SMYD3: variants seen among roughly 807,000 people sequenced by gnomAD.
The protein encoded by SMYD3 is SET and MYND domain containing 3.
Under a neutral mutation model 57.7 loss-of-function variants are expected in SMYD3, and 36 were observed. The ratio of observed to expected loss-of-function variants is 0.62; its 90% confidence interval spans 0.48 to 0.82. The LOEUF (loss-of-function observed/expected upper bound fraction) is 0.82. SMYD3 is among the 40% of genes least tolerant of loss of function. The probability of loss-of-function intolerance (pLI) is 0.00; values close to 1 mark genes in which losing one functional copy is unlikely to be tolerated. For synonymous variants in SMYD3, 211 were observed against 195.0 expected (o/e 1.08, Z -0.68); for missense variants, 515 against 538.8 (o/e 0.96, Z 0.44).
intron 10 of SMYD3, among the ~76,000 whole-genome samples, chr1:245,846,955 C>G (rs1191792835): frequency 6.6e-6 from 1 of 152,076 alleles, no homozygotes; most frequent in Non-Finnish European, 1.5e-5. Context: ...GAGCAATTTC[C>G]ATCATCTGTT....
At chr1:245,849,693 C>G (rs886903681) in intron 10 of SMYD3, among the ~76,000 whole-genome samples, 14 of 151,938 alleles carry the variant, frequency 9.2e-5, no homozygotes, top group African/African-American at 3.4e-4. Flanking sequence ...CGCTCAGTCA[C>G]CCAGGTTAGA....
At chr1:245,968,594 G>A (rs2058214739) in intron 5 of SMYD3, among the ~76,000 whole-genome samples, 1 of 152,180 alleles carries the variant, frequency 6.6e-6, no homozygotes, top group Non-Finnish European at 1.5e-5. Context: ...GAAAAGGCAA[G>A]GACTTTAAAG....
At chr1:245,771,554 T>C (rs2046337562) in intron 10 of SMYD3, among the ~76,000 whole-genome samples, 1 of 152,272 alleles carries the variant, frequency 6.6e-6, no homozygotes, top group South Asian at 2.1e-4. Context: ...TTTCAAGACA[T>C]TAGACAGACA....
chr1:246,254,816 G>A (rs900581323), intron 5 of SMYD3, among the ~76,000 whole-genome samples: 1 of 152,134 alleles, frequency 6.6e-6, no homozygotes, highest in Admixed American at 6.6e-5. Flanking sequence ...TTTCAGCAGT[G>A]TTTTCTAATC....
In SMYD3 at chr1:246,348,060, T is replaced by TTATA. The variant is rs200573424; in HGVS notation, c.228+6967_228+6970dup. On this transcript the variant is annotated intron_variant, in intron 2 of 11. Coordinates refer to ENST00000490107, the MANE Select transcript of SMYD3 (RefSeq NM_001167740.2). The stretch of plus-strand genomic sequence containing the variant: ...ATTGGTGGACTGAATAAAGAAAACG[T>TTATA]TATATATATATATATATACACACAC... Among the ~76,000 whole-genome samples, 395 of 83,022 alleles carry TTATA rather than the reference T, an allele frequency of 4.8e-3. 22 individuals carry two copies. Among genetic ancestry groups the TTATA allele is most frequent in the African/African-American group, 0.015 (361 of 23,718 alleles). The allele number at this position is 83,022 out of a possible 152,430, so 54.5% of individuals were successfully genotyped here.
At chr1:246,409,177 T>A (rs2066918610) in intron 1 of SMYD3, among the ~76,000 whole-genome samples, 1 of 152,214 alleles carries the variant, frequency 6.6e-6, no homozygotes, top group African/African-American at 2.4e-5. Flanking sequence ...GCTCTTTAGT[T>A]CAATTAGATC....
intron 10 of SMYD3, among the ~76,000 whole-genome samples, chr1:245,798,551 C>T (rs947817996): frequency 4.1e-5 from 6 of 148,140 alleles, no homozygotes; most frequent in Non-Finnish European, 8.9e-5. Context: ...TCTTAATCTG[C>T]CCACCCCAGA....
At chr1:245,945,624 C>A (rs2057405002) in intron 5 of SMYD3, among the ~76,000 whole-genome samples, 1 of 152,078 alleles carries the variant, frequency 6.6e-6, no homozygotes, top group African/African-American at 2.4e-5. Flanking sequence ...GGTTATATAC[C>A]CAAAGAAATA....
intron 5 of SMYD3, among the ~76,000 whole-genome samples, chr1:246,207,587 A>G (rs3934366): frequency 0.024 from 3,713 of 152,262 alleles, 163 homozygotes; most frequent in African/African-American, 0.084. Flanking sequence ...ATATCTATCA[A>G]GGACACTTAC....
At chr1:246,147,615 T>C (rs960494335) in intron 5 of SMYD3, among the ~76,000 whole-genome samples, 4 of 151,484 alleles carry the variant, frequency 2.6e-5, no homozygotes, top group Admixed American at 1.3e-4. Flanking sequence ...TCCTGCTCTA[T>C]GGAGCAGGCA....
At chr1:246,214,621 G>C (rs959699064) in intron 5 of SMYD3, among the ~76,000 whole-genome samples, 1 of 152,136 alleles carries the variant, frequency 6.6e-6, no homozygotes, top group African/African-American at 2.4e-5. Context: ...GGCTAAGAGA[G>C]AAACCAATTT....
intron 5 of SMYD3, among the ~76,000 whole-genome samples, chr1:246,083,158 TTGAGA>T (rs2060667189): frequency 6.6e-6 from 1 of 151,632 alleles, no homozygotes; most frequent in Non-Finnish European, 1.5e-5. Context: ...CTCTTTGCAG[TTGAGA>T]TAAGAGGAAG....
At chr1:246,185,842 A>G (rs2062631952) in intron 5 of SMYD3, among the ~76,000 whole-genome samples, 1 of 152,182 alleles carries the variant, frequency 6.6e-6, no homozygotes, top group Non-Finnish European at 1.5e-5. Flanking sequence ...AAAAATGCCA[A>G]AAAGAACTTA....
intron 5 of SMYD3, among the ~76,000 whole-genome samples, chr1:246,156,629 CCA>C (rs1181750270): frequency 5.3e-5 from 8 of 152,142 alleles, no homozygotes; most frequent in Non-Finnish European, 1.5e-5. Flanking sequence ...CAGTCTCTGC[CCA>C]CAGGAGCTTA....
At chr1:245,956,173 C>T (rs1651466409) in intron 5 of SMYD3, 2 of 563,550 alleles carry the variant, frequency 3.5e-6, no homozygotes, top group Non-Finnish European at 4.5e-6. Flanking sequence ...CTGCCTGGGC[C>T]TCCCAAAGTG....
chr1:245,880,597 T>C (rs1313059804), intron 8 of SMYD3, among the ~76,000 whole-genome samples: 1 of 152,186 alleles, frequency 6.6e-6, no homozygotes, highest in Non-Finnish European at 1.5e-5. Flanking sequence ...TAAAAACCAG[T>C]CCAATCCTTA....
intron 10 of SMYD3, among the ~76,000 whole-genome samples, chr1:245,824,442 C>G (rs976726009): frequency 6.6e-6 from 1 of 152,186 alleles, no homozygotes; most frequent in Non-Finnish European, 1.5e-5. Context: ...TCAGGCCGGG[C>G]GCAGTGGCTC....
intron 10 of SMYD3, among the ~76,000 whole-genome samples, chr1:245,849,619 T>C (rs1273570221): frequency 6.6e-6 from 1 of 151,748 alleles, no homozygotes; most frequent in Non-Finnish European, 1.5e-5. Context: ...GGAGCTCTGC[T>C]ATTTACCATC....
chr1:245,871,463 T>C (rs2052188217), intron 8 of SMYD3, among the ~76,000 whole-genome samples: 1 of 152,212 alleles, frequency 6.6e-6, no homozygotes, highest in Non-Finnish European at 1.5e-5. Flanking sequence ...CACTGTTATA[T>C]CAACTACAGA....
Sources: allele counts gnomAD v4.1 joint callset (sites outside exome capture counted in the v4.1 genomes callset), GRCh38; gene constraint gnomAD v4.1.1; transcripts MANE v1.5; gene names NCBI Gene and HGNC (gene_info 2026-07-23, HGNC 2026-07-21).